The following FILIP1L variants were observed in gnomAD, a reference collection of about 807,000 sequenced individuals.
FILIP1L encodes filamin A-interacting protein 1-like.
FILIP1L carries 55 observed loss-of-function variants against 96.6 expected under a neutral mutation model. That is an observed-to-expected ratio of 0.57 (90% CI 0.46 to 0.71). The LOEUF (loss-of-function observed/expected upper bound fraction) is 0.71, where lower values mean the gene tolerates loss of function less well. Ranked by LOEUF, FILIP1L falls within the 30% of genes least tolerant of loss-of-function variation. The pLI is 0.00. For missense variants in FILIP1L, 1,304 were observed against 1,321.2 expected (o/e 0.99, Z 0.20); for synonymous variants, 467 against 473.9 (o/e 0.99, Z 0.19).
intron 1 of FILIP1L, among the ~76,000 whole-genome samples, chr3:100,090,763 C>G (rs1459746828): frequency 1.3e-5 from 2 of 152,186 alleles, no homozygotes. Context: ...TGTCTGATCA[C>G]CACTGTCCTA....
At chr3:99,936,192 G>T (rs1707660808) in intron 1 of FILIP1L, among the ~76,000 whole-genome samples, 1 of 151,556 alleles carries the variant, frequency 6.6e-6, no homozygotes, top group Admixed American at 6.6e-5. Context: ...TTTTGGTCTT[G>T]GTCATTTAAT....
At chr3:100,094,870 A>G (rs113909015) in intron 1 of FILIP1L, among the ~76,000 whole-genome samples, 4,012 of 151,584 alleles carry the variant, frequency 0.026, 187 homozygotes, top group African/African-American at 0.092. Context: ...GTGTTTTTTT[A>G]GTAGAGACGG....
chr3:99,893,796 C>T (rs558430819), intron 4 of FILIP1L, among the ~76,000 whole-genome samples: 14 of 152,254 alleles, frequency 9.2e-5, no homozygotes, highest in Admixed American at 8.5e-4. Context: ...GCCAGCATCC[C>T]TTTATCAAAT....
rs1488329897 is a variant in FILIP1L at position 100,021,950 on chromosome 3, TGTGTGTGTGTGAGA to T, written c.-10-90934_-10-90921del. On this transcript the variant is annotated intron_variant, in intron 1 of 5. Transcript: ENST00000477258. ...GTGTGTGTGTGTGTGTGTGTGTGTG[TGTGTGTGTGTGAGA>T]GAGAGAGAGAGAGAGAGAGAGAGAG... 4.3e-3 allele frequency among the ~76,000 whole-genome samples: 548 copies of T among 128,876 alleles called. 4 individuals carry two copies. Among genetic ancestry groups the T allele is most frequent in the East Asian group, 0.022 (94 of 4,332 alleles). The allele number at this position is 128,876 out of a possible 152,430, so 84.5% of individuals were successfully genotyped here. A position where few individuals can be genotyped will look rare whatever the true frequency, so the allele number is the denominator to read the frequency against.
chr3:100,112,955 A>C (rs6807137), intron 1 of FILIP1L, among the ~76,000 whole-genome samples: 1,898 of 152,336 alleles, frequency 0.012, 25 homozygotes, highest in African/African-American at 0.029. Flanking sequence ...AGGAAAAACA[A>C]GTTTAACTGT....
chr3:99,998,882 T>G (rs1181431350), intron 1 of FILIP1L, among the ~76,000 whole-genome samples: 6 of 148,704 alleles, frequency 4.0e-5, no homozygotes, highest in Non-Finnish European at 8.9e-5. Flanking sequence ...GTTCTTAAAC[T>G]CTAACCTAAT....
intron 1 of FILIP1L, among the ~76,000 whole-genome samples, chr3:100,094,895 A>T (rs2066177375): frequency 6.6e-6 from 1 of 151,688 alleles, no homozygotes; most frequent in Admixed American, 6.6e-5. Flanking sequence ...TTATCATATT[A>T]GCCAGGATGG....
At chr3:99,877,168 ATTAGGG>A (rs1180503114) in intron 4 of FILIP1L, among the ~76,000 whole-genome samples, 1 of 152,206 alleles carries the variant, frequency 6.6e-6, no homozygotes, top group Admixed American at 6.5e-5. Context: ...TGCTAAATAA[ATTAGGG>A]ACGTGGCATT....
chr3:99,831,010 A>G (rs1942652819), intron 5 of FILIP1L, among the ~76,000 whole-genome samples: 1 of 152,204 alleles, frequency 6.6e-6, no homozygotes, highest in South Asian at 2.1e-4. Context: ...CAGACTTTTA[A>G]AAGTTTTCAC....
chr3:100,067,166 C>CGTTTGTTT (rs4062235), intron 1 of FILIP1L, among the ~76,000 whole-genome samples: 7,275 of 150,954 alleles, frequency 0.048, 315 homozygotes, highest in East Asian at 0.21. Flanking sequence ...TTTTTGATCT[C>CGTTTGTTT]GTTTGTTTGT....
At chr3:99,937,700 A>G (rs1444748650) in intron 1 of FILIP1L, among the ~76,000 whole-genome samples, 2 of 152,202 alleles carry the variant, frequency 1.3e-5, no homozygotes, top group African/African-American at 4.8e-5. Context: ...GAGTGATTGA[A>G]TCATGCAGTC....
At chr3:100,013,516 T>A (rs886987499) in intron 1 of FILIP1L, among the ~76,000 whole-genome samples, 5 of 152,260 alleles carry the variant, frequency 3.3e-5, no homozygotes, top group African/African-American at 1.2e-4. Flanking sequence ...AGTGCTGGGA[T>A]TACAGGCATG....
intron 1 of FILIP1L, among the ~76,000 whole-genome samples, chr3:100,083,873 G>A (rs557361997): frequency 1.1e-4 from 17 of 152,248 alleles, no homozygotes; most frequent in South Asian, 4.1e-4. Context: ...GGTGCCTGGC[G>A]TGATTCTTGC....
At chr3:100,070,171 G>A (rs1302788146) in intron 1 of FILIP1L, among the ~76,000 whole-genome samples, 2 of 152,144 alleles carry the variant, frequency 1.3e-5, no homozygotes, top group Non-Finnish European at 2.9e-5. Flanking sequence ...TACAGCCAGA[G>A]CATGATTCTG....
At chr3:100,000,992 G>A (rs902249915) in intron 1 of FILIP1L, among the ~76,000 whole-genome samples, 109 of 152,246 alleles carry the variant, frequency 7.2e-4, no homozygotes, top group Non-Finnish European at 1.0e-3. Flanking sequence ...TAGTTACTGG[G>A]TGATAGATTT....
intron 4 of FILIP1L, among the ~76,000 whole-genome samples, chr3:99,902,362 A>G (rs1484977606): frequency 2.0e-5 from 3 of 152,214 alleles, no homozygotes; most frequent in Non-Finnish European, 4.4e-5. Context: ...TTGAACAGAT[A>G]TTCAACTCAT....
chr3:99,999,287 A>G (rs1709774616), intron 1 of FILIP1L, among the ~76,000 whole-genome samples: 2 of 152,212 alleles, frequency 1.3e-5, no homozygotes, highest in Admixed American at 1.3e-4. Context: ...CTCATAGCAC[A>G]TATCACATTC....
Position 99,848,854 on chromosome 3 carries a change from G to C in FILIP1L, c.2822C>G (p.Thr941Arg). The C allele has an allele frequency of 6.2e-7, 1 of 1,614,104 alleles. No homozygotes were observed. The highest frequency in any genetic ancestry group is 8.5e-7 in the Non-Finnish European group (1 of 1,180,008). The stretch of plus-strand genomic sequence containing the variant: ...GAGGATGGTTATCCTTTGCTTTGGC[G>C]TGCCACAGTTCGGTATCACTGCAGT... ...TSTAVIPNCG[T>R]PKQRITILQN... The change falls in exon 5 of 6, where the codon ACG becomes AGG. Residue 941 changes from threonine (T) to arginine (R), a missense_variant. Physicochemically the swap from Thr to Arg is moderately conservative, Grantham distance 71. Transcript: ENST00000477258.
At chr3:100,091,789 T>C (rs975408312) in intron 1 of FILIP1L, among the ~76,000 whole-genome samples, 1 of 152,242 alleles carries the variant, frequency 6.6e-6, no homozygotes, top group Non-Finnish European at 1.5e-5. Flanking sequence ...AATATTTTCC[T>C]TAAGACAGGA....
Sources: gnomAD v4.1 joint callset for allele counts (sites outside exome capture counted in the v4.1 genomes callset) on GRCh38, gnomAD v4.1.1 for gene constraint, MANE v1.5 for transcripts, NCBI Gene and HGNC (gene_info 2026-07-23, HGNC 2026-07-21) for gene names.